Variants in CCDC30 observed in about 807,000 individuals in gnomAD.
CCDC30 encodes the protein coiled-coil domain containing 30.
A neutral mutation model predicts 100.2 loss-of-function variants in CCDC30; 70 were observed. The ratio of observed to expected loss-of-function variants is 0.70; its 90% CI spans 0.58 to 0.85. CCDC30 has a LOEUF of 0.85. Among genes scored for constraint, CCDC30 ranks in the 40% least tolerant of loss-of-function variants. The pLI, the probability that CCDC30 is intolerant of heterozygous loss-of-function variation, is 0.00. For missense variants in CCDC30, 652 were observed against 771.2 expected (o/e 0.85, Z 1.83); for synonymous variants, 233 against 269.5 (o/e 0.86, Z 1.33).
intron 9 of CCDC30, among the ~76,000 whole-genome samples, chr1:42,582,342 T>C (rs951538730): frequency 2.6e-5 from 4 of 152,178 alleles, no homozygotes; most frequent in Admixed American, 6.5e-5. Context: ...ATCCTGGGAG[T>C]TTAACCATAT....
intron 10 of CCDC30, chr1:42,589,991 TGGAGGTGGGGCTTAACA>T (rs1211994463): frequency 6.6e-6 from 1 of 152,584 alleles, no homozygotes; most frequent in Non-Finnish European, 1.5e-5. Flanking sequence ...TCCCCATCAT[TGGAGGTGGGGCTTAACA>T]GGAGGTGGTT....
Position 42,536,607 on chromosome 1 carries a change from A to G in CCDC30, c.457-29689A>G. 1 of 1,546,202 alleles carries G rather than the reference A, an allele frequency of 6.5e-7. No homozygotes were observed. ...CCTTGAAAGTTGAAAGTGAGGTATT[A>G]CCATTCAGGAAGCTGTTTTCTTCTT... On this transcript the variant is annotated intron_variant, in intron 6 of 16. Transcript: ENST00000668663.
chr1:42,471,581 G>C (rs532187233), intron 1 of CCDC30, among the ~76,000 whole-genome samples: 20 of 152,132 alleles, frequency 1.3e-4, no homozygotes, highest in African/African-American at 4.8e-4. Flanking sequence ...TTAGTATCTT[G>C]GGCTCTCTGC....
At chr1:42,484,733 A>T (rs1644022599) in intron 3 of CCDC30, among the ~76,000 whole-genome samples, 1 of 152,194 alleles carries the variant, frequency 6.6e-6, no homozygotes, top group South Asian at 2.1e-4. Context: ...ACTCTTTAAA[A>T]TAAATCCCTT....
intron 3 of CCDC30, among the ~76,000 whole-genome samples, chr1:42,487,904 G>A (rs1644076564): frequency 6.6e-6 from 1 of 152,284 alleles, no homozygotes; most frequent in East Asian, 1.9e-4. Context: ...CAGAACCCCG[G>A]CACACCATGC....
chr1:42,456,545 G>A, the CCDC30 span: 1 of 1,449,286 alleles, frequency 6.9e-7, no homozygotes, highest in African/African-American at 1.5e-5. Flanking sequence ...ACGTGCGCAG[G>A]CGCCGGCCGC....
chr1:42,639,201 C>T (rs1166618430), intron 12 of CCDC30, among the ~76,000 whole-genome samples: 1 of 151,972 alleles, frequency 6.6e-6, no homozygotes, highest in African/African-American at 2.4e-5. Flanking sequence ...AATCATAAAT[C>T]TAAGATGATT....
At chr1:42,613,817 GATCTTTGTGACCTGT>G (rs1218961312) in intron 11 of CCDC30, among the ~76,000 whole-genome samples, 1 of 152,070 alleles carries the variant, frequency 6.6e-6, no homozygotes, top group Non-Finnish European at 1.5e-5. Flanking sequence ...TTATCACAGG[GATCTTTGTGACCTGT>G]ATCTTGTGCC....
intron 6 of CCDC30, among the ~76,000 whole-genome samples, chr1:42,538,493 G>A (rs1446321620): frequency 6.6e-6 from 1 of 152,180 alleles, no homozygotes; most frequent in Non-Finnish European, 1.5e-5. Flanking sequence ...TACTTGGGAG[G>A]CTGAGACAGG....
intron 6 of CCDC30, among the ~76,000 whole-genome samples, chr1:42,556,940 T>G (rs1185587758): frequency 6.6e-6 from 1 of 152,160 alleles, no homozygotes; most frequent in African/African-American, 2.4e-5. Flanking sequence ...ACGACAGACA[T>G]TTTATTATTT....
At chr1:42,574,734 TC>T (rs974448606) in intron 7 of CCDC30, among the ~76,000 whole-genome samples, 1 of 152,214 alleles carries the variant, frequency 6.6e-6, no homozygotes, top group African/African-American at 2.4e-5. Context: ...TATTTGAGAT[TC>T]AGTTTTTTAT....
chr1:42,490,353 G>A (rs998336980), intron 4 of CCDC30, 124 bp downstream of exon 4: 1 of 376,016 alleles, frequency 2.7e-6, no homozygotes, highest in Non-Finnish European at 4.7e-6. Context: ...AGCCATGTCT[G>A]TGCCACTGCA....
chr1:42,462,994 C>T (rs557761430), upstream of CCDC30, among the ~76,000 whole-genome samples: 471 of 152,334 alleles, frequency 3.1e-3, 3 homozygotes, highest in African/African-American at 0.011. Context: ...GCAGGGGCTC[C>T]AGCTGAGTCC....
intron 7 of CCDC30, among the ~76,000 whole-genome samples, chr1:42,576,233 C>A (rs1468730476): frequency 6.6e-6 from 1 of 152,158 alleles, no homozygotes; most frequent in Non-Finnish European, 1.5e-5. Context: ...GTAGCCCAGG[C>A]TAGAGATGAT....
At chr1:42,649,952 C>T (rs1052182879) in intron 15 of CCDC30, among the ~76,000 whole-genome samples, 7 of 152,156 alleles carry the variant, frequency 4.6e-5, no homozygotes, top group African/African-American at 1.2e-4. Flanking sequence ...GAAGAAAATA[C>T]GATAAATGAA....
rs570965850 is a variant in CCDC30 at position 42,646,278 on chromosome 1, T to C, written c.1815T>C (p.Val605=). ...AACTCCAGCATGAGGATGAGTCAGT[T>C]CCTGAGGCCACAGAGAAGTGGAAAC... Residue 605 remains valine (V), a synonymous_variant, in exon 15 of 17, where the codon GTT becomes GTC. Transcript: ENST00000668663. The C allele has an allele frequency of 8.4e-6, 13 of 1,547,644 alleles. No individual in the cohort carries two copies. In the South Asian group the frequency reaches 1.4e-4, roughly 17 times the overall value.
intron 6 of CCDC30, among the ~76,000 whole-genome samples, chr1:42,549,571 C>G (rs1250455005): frequency 6.6e-5 from 10 of 152,058 alleles, no homozygotes; most frequent in Non-Finnish European, 1.5e-5. Context: ...CACAGTCTCT[C>G]TATATGTATA....
intron 8 of CCDC30, chr1:42,581,005 A>G: frequency 2.8e-6 from 1 of 357,272 alleles, no homozygotes; most frequent in Non-Finnish European, 5.4e-6. Flanking sequence ...CGCCCGGCTA[A>G]TTTTTGTATT....
chr1:42,521,841 TA>T (rs748047038), intron 6 of CCDC30, among the ~76,000 whole-genome samples: 1 of 152,024 alleles, frequency 6.6e-6, no homozygotes, highest in Non-Finnish European at 1.5e-5. Context: ...ATTGAATGTT[TA>T]TTTTGTCTGA....
Sources: gnomAD v4.1 joint callset for allele counts (sites outside exome capture counted in the v4.1 genomes callset) on GRCh38, gnomAD v4.1.1 for gene constraint, MANE v1.5 for transcripts, NCBI Gene and HGNC (gene_info 2026-07-23, HGNC 2026-07-21) for gene names.